The following CCDC85C variants were observed in gnomAD, a reference collection of about 807,000 sequenced individuals.
CCDC85C encodes the protein coiled-coil domain-containing protein 85C.
CCDC85C carries 18 observed loss-of-function variants against 38.3 expected under a neutral mutation model. That is an observed-to-expected ratio of 0.47 (90% CI 0.33 to 0.70). The LOEUF (loss-of-function observed/expected upper bound fraction) is 0.70, where lower values mean the gene tolerates loss of function less well. Ranked by LOEUF, CCDC85C falls within the 30% of genes least tolerant of loss-of-function variation. The probability of loss-of-function intolerance (pLI) is 0.03; values close to 1 mark genes in which losing one functional copy is unlikely to be tolerated. For synonymous variants in CCDC85C, 264 were observed against 293.8 expected, an observed-to-expected ratio of 0.90 and a Z score of 1.04; for missense variants, 566 against 621.2, an observed-to-expected ratio of 0.91 and a Z score of 0.94.
chr14:99,564,160 T>C (rs1481152687), intron 1 of CCDC85C, among the ~76,000 whole-genome samples: 1 of 152,232 alleles, frequency 6.6e-6, no homozygotes. Context: ...GAGAGCACTG[T>C]CTCTCCACAG....
rs767595294 is a variant in CCDC85C at position 99,545,683 on chromosome 14, G to A, written c.794-9595C>T. 6.6e-6 allele frequency among the ~76,000 whole-genome samples: 1 copy of A among 152,054 alleles called. No individual in the cohort carries two copies. Among genetic ancestry groups the A allele is most frequent in the Non-Finnish European group, 1.5e-5 (1 of 68,018 alleles). On this transcript the variant is annotated intron_variant, in intron 1 of 5. Coordinates refer to ENST00000380243, the MANE Select transcript of CCDC85C (RefSeq NM_001144995.2). The surrounding 1 kb of genome is among the most constrained non-coding windows in gnomAD (Gnocchi z 4.7). ...CTGGACTGTGTGCAGACATCAGCTAGTCCCGCCGGGGAGAGACATCTCACC... is the reference window on the plus strand; with the variant it reads ...CTGGACTGTGTGCAGACATCAGCTAATCCCGCCGGGGAGAGACATCTCACC...
chr14:99,556,558 C>G (rs1031861635), intron 1 of CCDC85C, among the ~76,000 whole-genome samples: 2 of 152,142 alleles, frequency 1.3e-5, no homozygotes, highest in African/African-American at 4.8e-5. Flanking sequence ...CACTGTTGCC[C>G]AGGCTGGAGT....
intron 1 of CCDC85C, among the ~76,000 whole-genome samples, chr14:99,600,326 C>G (rs537035583): frequency 6.6e-6 from 1 of 152,254 alleles, no homozygotes; most frequent in Non-Finnish European, 1.5e-5. Context: ...AGAGGCTTGG[C>G]CAGTTAATAA....
At chr14:99,585,888 C>T (rs1047532011) in intron 1 of CCDC85C, among the ~76,000 whole-genome samples, 1 of 152,240 alleles carries the variant, frequency 6.6e-6, no homozygotes, top group Non-Finnish European at 1.5e-5. Context: ...GACCAAGACC[C>T]TTCTTCCCTG....
intron 1 of CCDC85C, among the ~76,000 whole-genome samples, chr14:99,579,614 C>A (rs1439483732): frequency 1.3e-5 from 2 of 152,222 alleles, no homozygotes; most frequent in Admixed American, 6.5e-5. Flanking sequence ...AGGCAAGAAA[C>A]CCAGAAGGAA....
Position 99,603,945 on chromosome 14 carries a change from C to T in CCDC85C, c.15G>A (p.Ala5=), listed in dbSNP as rs1344942414. 8 of 1,404,988 alleles carry T rather than the reference C, an allele frequency of 5.7e-6. No individual in the cohort carries two copies. Among genetic ancestry groups the T allele is most frequent in the Non-Finnish European group, 6.5e-6 (7 of 1,085,174 alleles). The allele number at this position is 1,404,988 out of a possible 1,614,324, so 87.0% of individuals were successfully genotyped here. The change falls in exon 1 of 6, where the codon GCG becomes GCA. Residue 5 remains alanine, a synonymous_variant. Transcript: ENST00000380243. This position sits in a 1 kb window ranked among gnomAD's most constrained non-coding sequence, Gnocchi z 7.5. Reference sequence around the variant, plus strand: ...CCTCCGACGCCGCCGCCGCCGTCGCCGCGGGCTTAGCCATGGCGGGGCCGT... The same window carrying T: ...CCTCCGACGCCGCCGCCGCCGTCGCTGCGGGCTTAGCCATGGCGGGGCCGT... The part of the protein sequence containing the change: MAKP[A]ATAAAASEEL...
intron 1 of CCDC85C, among the ~76,000 whole-genome samples, chr14:99,573,843 C>A (rs1214588895): frequency 6.6e-6 from 1 of 152,182 alleles, no homozygotes; most frequent in Non-Finnish European, 1.5e-5. Flanking sequence ...CTGGTTAGAG[C>A]CCATAGCCTC....
chr14:99,586,969 G>A (rs2055033929), intron 1 of CCDC85C, among the ~76,000 whole-genome samples: 1 of 152,186 alleles, frequency 6.6e-6, no homozygotes, highest in African/African-American at 2.4e-5. Context: ...CCTCCTACCG[G>A]GGACCTGCTT....
intron 1 of CCDC85C, among the ~76,000 whole-genome samples, chr14:99,591,250 G>C (rs969740412): frequency 6.6e-6 from 1 of 152,252 alleles, no homozygotes. Context: ...GAACCAGTTG[G>C]CTGGGTTCTG....
intron 1 of CCDC85C, among the ~76,000 whole-genome samples, chr14:99,564,750 A>G (rs541508813): frequency 6.6e-6 from 1 of 152,304 alleles, no homozygotes; most frequent in South Asian, 2.1e-4. Flanking sequence ...CAGGAACAAC[A>G]TCCAGCCTTT....
chr14:99,510,650 G>T lies in CCDC85C; in HGVS notation c.*4596C>A, dbSNP rs1897107188. The T allele has an allele frequency of 1.4e-6, 2 of 1,397,990 alleles. No individual in the cohort carries two copies. Among genetic ancestry groups the T allele is most frequent in the Non-Finnish European group, 1.9e-6 (2 of 1,075,830 alleles). The allele number at this position is 1,397,990 out of a possible 1,614,324, so 86.6% of individuals were successfully genotyped here. ...CAGTCCCCCCTCATCCTCCTCCAGG[G>T]TTGGGCCTGCCGCCAGCCAGCTACC... On this transcript the variant is annotated 3_prime_UTR_variant, in exon 6 of 6. Transcript: ENST00000380243.
intron 1 of CCDC85C, among the ~76,000 whole-genome samples, chr14:99,582,498 G>C (rs952668971): frequency 1.4e-4 from 22 of 151,950 alleles, no homozygotes; most frequent in African/African-American, 4.1e-4. Flanking sequence ...TGGATGTCTT[G>C]GATAGGATCC....
chr14:99,580,925 G>A (rs1174974130), intron 1 of CCDC85C, among the ~76,000 whole-genome samples: 1 of 152,154 alleles, frequency 6.6e-6, no homozygotes, highest in Non-Finnish European at 1.5e-5. Context: ...GAGGAATGTG[G>A]CAAAGGCATC....
At chr14:99,538,485 G>A (rs1897649639) in intron 1 of CCDC85C, among the ~76,000 whole-genome samples, 1 of 152,252 alleles carries the variant, frequency 6.6e-6, no homozygotes, top group Admixed American at 6.5e-5. Flanking sequence ...GAGCCAGGGG[G>A]AGGACCCAGC....
chr14:99,517,419 C>T (rs927444638), intron 3 of CCDC85C, among the ~76,000 whole-genome samples: 4 of 152,116 alleles, frequency 2.6e-5, no homozygotes, highest in African/African-American at 7.2e-5. Context: ...AGCACAGAGG[C>T]AAGAGGGGCA....
chr14:99,516,259 G>A lies in CCDC85C; in HGVS notation c.1099C>T (p.Arg367Trp), dbSNP rs578038492. The A allele has an allele frequency of 1.2e-5, 18 of 1,551,198 alleles. No homozygotes were observed. The highest frequency in any genetic ancestry group is 3.3e-4 in the Middle Eastern group (2 of 5,988). Reference protein sequence around the residue: ...KVLEVHENLDRQLQDSCEEDL... With the variant: ...KVLEVHENLDWQLQDSCEEDL... Reference sequence around the variant, plus strand: ...TCCTCACAGCTGTCCTGGAGCTGCCGGTCCAGATTCTCGTGTACCTCCAGG... The same window carrying A: ...TCCTCACAGCTGTCCTGGAGCTGCCAGTCCAGATTCTCGTGTACCTCCAGG... The change falls in exon 5 of 6, where the codon CGG becomes TGG. Residue 367 changes from arginine (R) to tryptophan (W), a missense_variant. This residue lies in a region of CCDC85C where 286 missense variants were observed against 276.4 expected (regional missense o/e 1.03). Coordinates refer to ENST00000380243, the MANE Select transcript of CCDC85C (RefSeq NM_001144995.2). This position sits in a 1 kb window ranked among gnomAD's most constrained non-coding sequence, Gnocchi z 5.5.
At chr14:99,534,794 C>T in intron 2 of CCDC85C, 1 of 694,930 alleles carries the variant, frequency 1.4e-6, no homozygotes, top group Admixed American at 2.0e-5. Flanking sequence ...CCTGGGAAGC[C>T]AGCACGGCCT....
At position 99,568,246 on chromosome 14, in the gene CCDC85C, C is replaced by CTTTTTTTTTTTTTTTTTTTTTTT. The variant is rs776784723; in HGVS notation, c.794-32159_794-32158insAAAAAAAAAAAAAAAAAAAAAAA. Among the ~76,000 whole-genome samples the CTTTTTTTTTTTTTTTTTTTTTTT allele has an allele frequency of 2.6e-5, 3 of 114,488 alleles. 1 individual carries two copies. The highest frequency in any genetic ancestry group is 7.6e-5 in the African/African-American group (2 of 26,376). 75.1% of individuals were successfully genotyped at this position (114,488 alleles called of 152,430 possible). Reference sequence around the variant, plus strand: ...AGACACTCTCTGGAGGCCACCTGCCCTTTATTTTTTTTTTTTTTTTTTTTG... The same window carrying CTTTTTTTTTTTTTTTTTTTTTTT: ...AGACACTCTCTGGAGGCCACCTGCCCTTTTTTTTTTTTTTTTTTTTTTTTTTATTTTTTTTTTTTTTTTTTTTG... On this transcript the variant is annotated intron_variant, in intron 1 of 5. Coordinates refer to ENST00000380243, the MANE Select transcript of CCDC85C (RefSeq NM_001144995.2).
chr14:99,538,152 A>G (rs932400127), intron 1 of CCDC85C, among the ~76,000 whole-genome samples: 1 of 152,174 alleles, frequency 6.6e-6, no homozygotes, highest in Non-Finnish European at 1.5e-5. Flanking sequence ...GCAAAGGACA[A>G]GCAGCTACCA....
Sources: allele counts gnomAD v4.1 joint callset (sites outside exome capture counted in the v4.1 genomes callset), GRCh38; gene constraint gnomAD v4.1.1; regional missense constraint gnomAD v4.1.1; non-coding constraint Gnocchi (gnomAD v3.1); transcripts MANE v1.5; gene names NCBI Gene and HGNC (gene_info 2026-07-23, HGNC 2026-07-21).